HDAC4: variants seen among roughly 807,000 people sequenced by gnomAD.
HDAC4 encodes histone deacetylase 4.
Under a neutral mutation model 135.1 loss-of-function variants are expected in HDAC4, and 16 were observed. That is an observed-to-expected ratio of 0.12 (90% CI 0.08 to 0.18). The LOEUF is 0.18. HDAC4 is among the 10% of genes least tolerant of loss of function. The pLI is 1.00. For missense variants in HDAC4, 1,143 were observed against 1,511.8 expected, an observed-to-expected ratio of 0.76 and a Z score of 4.05; for synonymous variants, 685 against 653.4, an observed-to-expected ratio of 1.05 and a Z score of -0.74.
Position 239,324,964 on chromosome 2 carries a change from A to T in HDAC4, c.22+27714T>A, listed in dbSNP as rs111732342. On this transcript the variant is annotated intron_variant, in intron 2 of 26. Transcript: ENST00000543185. ...ATGAGCAAGATCTTTCCTCTAAGAC[A>T]CATGCTCTCTTACAGCAGCTAAAGG... Among the ~76,000 whole-genome samples the T allele has an allele frequency of 4.6e-3, 699 of 152,346 alleles. 6 individuals carry two copies. The highest frequency in any genetic ancestry group is 7.0e-3 in the Non-Finnish European group (477 of 68,030).
At chr2:239,302,691 C>T (rs1290522721) in intron 2 of HDAC4, among the ~76,000 whole-genome samples, 1 of 152,240 alleles carries the variant, frequency 6.6e-6, no homozygotes. Flanking sequence ...CAGCACCCTC[C>T]ACTCTCCCTG....
intron 5 of HDAC4, among the ~76,000 whole-genome samples, chr2:239,166,365 C>T (rs10208855): frequency 0.024 from 3,727 of 152,214 alleles, 177 homozygotes; most frequent in African/African-American, 0.085. Flanking sequence ...GGCTCTCTGT[C>T]GGTCTGAGAA....
intron 3 of HDAC4, among the ~76,000 whole-genome samples, chr2:239,215,302 T>C (rs1047622390): frequency 2.6e-5 from 4 of 152,180 alleles, no homozygotes; most frequent in Admixed American, 6.5e-5. Context: ...AAGTCAACAC[T>C]GGTGAGAGGC....
At chr2:239,253,932 G>A (rs1020300693) in intron 2 of HDAC4, among the ~76,000 whole-genome samples, 7 of 152,028 alleles carry the variant, frequency 4.6e-5, no homozygotes, top group Non-Finnish European at 1.0e-4. Flanking sequence ...CCTGTGTCCG[G>A]GCAGAACTCT....
chr2:239,279,834 C>T (rs1451830455), intron 2 of HDAC4, among the ~76,000 whole-genome samples: 1 of 152,210 alleles, frequency 6.6e-6, no homozygotes, highest in Non-Finnish European at 1.5e-5. Flanking sequence ...GAATGGCCAG[C>T]TCTCACCGGG....
intron 16 of HDAC4, among the ~76,000 whole-genome samples, chr2:239,096,551 G>GC (rs1348579868): frequency 2.2e-5 from 1 of 44,794 alleles, no homozygotes; most frequent in Non-Finnish European, 4.0e-5. Flanking sequence ...GGATGCCCAC[G>GC]CCCCCCACAG....
intron 3 of HDAC4, among the ~76,000 whole-genome samples, chr2:239,209,051 A>C (rs2046222837): frequency 6.6e-6 from 1 of 152,024 alleles, no homozygotes; most frequent in Non-Finnish European, 1.5e-5. Context: ...TAGTTTACGT[A>C]TTATTATTTT....
intron 4 of HDAC4, among the ~76,000 whole-genome samples, chr2:239,178,381 C>T (rs941580370): frequency 2.0e-5 from 3 of 152,110 alleles, no homozygotes; most frequent in Non-Finnish European, 4.4e-5. Context: ...AGTGATCCTC[C>T]TACCTCAGAC....
intron 5 of HDAC4, among the ~76,000 whole-genome samples, chr2:239,165,118 G>A (rs901488786): frequency 2.0e-5 from 3 of 152,154 alleles, no homozygotes; most frequent in Admixed American, 2.0e-4. Flanking sequence ...AGCTACTTGG[G>A]AGGCTGAGGT....
At chr2:239,103,835 C>A (rs1009669271) in intron 15 of HDAC4, among the ~76,000 whole-genome samples, 1 of 152,264 alleles carries the variant, frequency 6.6e-6, no homozygotes, top group Admixed American at 6.5e-5. Context: ...ACACAGCCTT[C>A]CTGCAGGACG....
At chr2:239,134,839 CCA>C (rs2040839660) in intron 9 of HDAC4, among the ~76,000 whole-genome samples, 196 bp from the exon 10 acceptor site, 1 of 152,256 alleles carries the variant, frequency 6.6e-6, no homozygotes, top group African/African-American at 2.4e-5. Context: ...ATTCACCACT[CCA>C]GTTTCCTCCT....
At chr2:239,275,278 C>A (rs573925810) in intron 2 of HDAC4, among the ~76,000 whole-genome samples, 3 of 152,356 alleles carry the variant, frequency 2.0e-5, no homozygotes, top group Admixed American at 1.3e-4. Flanking sequence ...AGCCAGGCTG[C>A]CGGCAAAGCG....
At chr2:239,169,566 C>T (rs1229455643) in intron 5 of HDAC4, among the ~76,000 whole-genome samples, 3 of 152,376 alleles carry the variant, frequency 2.0e-5, no homozygotes, top group South Asian at 4.1e-4. Context: ...GGCTCAGCTG[C>T]GCTCCTGGTC....
At chr2:239,264,267 A>G (rs1441450638) in intron 2 of HDAC4, among the ~76,000 whole-genome samples, 1 of 152,232 alleles carries the variant, frequency 6.6e-6, no homozygotes, top group Non-Finnish European at 1.5e-5. Context: ...GCGGAGGAGC[A>G]GATGCGCCTG....
chr2:239,379,092 G>T (rs1181741257), intron 1 of HDAC4, among the ~76,000 whole-genome samples: 1 of 152,186 alleles, frequency 6.6e-6, no homozygotes, highest in Non-Finnish European at 1.5e-5. Context: ...CGCTCCTCAG[G>T]CTAAGTAATT....
chr2:239,329,222 G>T (rs10189520), intron 2 of HDAC4, among the ~76,000 whole-genome samples: 1 of 151,572 alleles, frequency 6.6e-6, no homozygotes, highest in Non-Finnish European at 1.5e-5. Context: ...AGGGGTCCAC[G>T]GGGACCCCAC....
chr2:239,089,486 C>T (rs2152718826), intron 18 of HDAC4, among the ~76,000 whole-genome samples: 1 of 152,266 alleles, frequency 6.6e-6, no homozygotes, highest in Non-Finnish European at 1.5e-5. Flanking sequence ...CGCCACCATG[C>T]CCAGCTAATT....
intron 4 of HDAC4, chr2:239,187,029 A>C (rs139576869): frequency 6.6e-6 from 1 of 152,640 alleles, no homozygotes; most frequent in Non-Finnish European, 1.5e-5. Flanking sequence ...GTGGGGTCCT[A>C]ATCATGCACT....
At chr2:239,321,908 G>T (rs956856138) in intron 2 of HDAC4, among the ~76,000 whole-genome samples, 26 of 152,204 alleles carry the variant, frequency 1.7e-4, no homozygotes, top group African/African-American at 6.0e-4. Flanking sequence ...TTCTTGACAT[G>T]TTGAACAAAG....
Sources: gnomAD v4.1 joint callset for allele counts (sites outside exome capture counted in the v4.1 genomes callset) on GRCh38, gnomAD v4.1.1 for gene constraint, MANE v1.5 for transcripts, NCBI Gene and HGNC (gene_info 2026-07-23, HGNC 2026-07-21) for gene names.